Variants in VAV3 observed in about 807,000 individuals in gnomAD.
The protein encoded by VAV3 is guanine nucleotide exchange factor VAV3.
VAV3 carries 94 observed loss-of-function variants against 131.2 expected under a neutral mutation model. The observed-to-expected ratio is 0.72, with a 90% CI of 0.61 to 0.85. VAV3 has a LOEUF of 0.85. Ranked by LOEUF, VAV3 falls within the 40% of genes least tolerant of loss-of-function variation. The pLI, the probability that VAV3 is intolerant of heterozygous loss-of-function variation, is 0.00. For missense variants in VAV3, 939 were observed against 1,002.7 expected, an observed-to-expected ratio of 0.94 and a Z score of 0.86; for synonymous variants, 349 against 342.0, an observed-to-expected ratio of 1.02 and a Z score of -0.22.
intron 2 of VAV3, among the ~76,000 whole-genome samples, chr1:107,818,382 C>T (rs1667648661): frequency 6.6e-6 from 1 of 151,056 alleles, no homozygotes; most frequent in African/African-American, 2.4e-5. Flanking sequence ...TTTTTTAAAC[C>T]ATAAAATGCT....
chr1:107,736,310 C>T (rs1182558969), intron 15 of VAV3, among the ~76,000 whole-genome samples: 1 of 152,108 alleles, frequency 6.6e-6, no homozygotes, highest in Non-Finnish European at 1.5e-5. Flanking sequence ...GACAGGGATG[C>T]CCTCTCTCAC....
At chr1:107,669,356 C>A (rs1657620152) in intron 19 of VAV3, 1 of 1,289,766 alleles carries the variant, frequency 7.8e-7, no homozygotes, top group Non-Finnish European at 1.0e-6. Flanking sequence ...TTTTCAGAAA[C>A]CTCAAGGCTG....
At chr1:107,624,442 T>C (rs906744896) in intron 20 of VAV3, among the ~76,000 whole-genome samples, 1 of 122,324 alleles carries the variant, frequency 8.2e-6, no homozygotes, top group African/African-American at 2.8e-5. Flanking sequence ...CCTTTAATGA[T>C]AGAAAAAAAA....
chr1:107,690,965 G>A (rs1038444106), intron 17 of VAV3, among the ~76,000 whole-genome samples: 2 of 152,116 alleles, frequency 1.3e-5, no homozygotes, highest in African/African-American at 4.8e-5. Flanking sequence ...ATTTAATCAT[G>A]TTTCATGGTA....
chr1:107,700,579 T>C (rs536830638), intron 17 of VAV3, among the ~76,000 whole-genome samples: 1 of 152,350 alleles, frequency 6.6e-6, no homozygotes, highest in Admixed American at 6.5e-5. Flanking sequence ...TGCATTAGTT[T>C]GCTGAGGATA....
intron 25 of VAV3, among the ~76,000 whole-genome samples, chr1:107,585,151 G>A (rs982351847): frequency 1.3e-5 from 2 of 152,256 alleles, no homozygotes; most frequent in South Asian, 2.1e-4. Flanking sequence ...CAGTTGCTCA[G>A]AGCAAAAACC....
chr1:107,621,411 G>C (rs949605953), intron 20 of VAV3, among the ~76,000 whole-genome samples: 2 of 152,044 alleles, frequency 1.3e-5, no homozygotes, highest in Admixed American at 6.6e-5. Context: ...AAACAAAGTA[G>C]TGTGTAGGAG....
chr1:107,858,631 C>A (rs1035801734), intron 2 of VAV3, among the ~76,000 whole-genome samples: 1 of 152,166 alleles, frequency 6.6e-6, no homozygotes, highest in Non-Finnish European at 1.5e-5. Flanking sequence ...TTGTGCACTC[C>A]TTGTAAGAAT....
intron 15 of VAV3, among the ~76,000 whole-genome samples, chr1:107,741,887 A>G (rs1663044052): frequency 6.6e-6 from 1 of 152,200 alleles, no homozygotes; most frequent in South Asian, 2.1e-4. Flanking sequence ...GGCTAGATAA[A>G]ATGAGAATTG....
chr1:107,817,052 A>C (rs912614346), intron 2 of VAV3, among the ~76,000 whole-genome samples: 1 of 152,218 alleles, frequency 6.6e-6, no homozygotes, highest in Admixed American at 6.5e-5. Context: ...ATCCTAAAAG[A>C]TGCAAGAGAC....
intron 1 of VAV3, among the ~76,000 whole-genome samples, chr1:107,950,277 T>C (rs150643545): frequency 2.0e-5 from 3 of 152,342 alleles, no homozygotes; most frequent in African/African-American, 7.2e-5. Context: ...AAAATGTGCA[T>C]ATAAATGTAA....
chr1:107,600,436 C>T (rs537039823), intron 24 of VAV3, among the ~76,000 whole-genome samples: 56 of 152,194 alleles, frequency 3.7e-4, no homozygotes, highest in African/African-American at 1.1e-3. Flanking sequence ...CCCTTTAACA[C>T]GCTGTGATAC....
Position 107,887,626 on chromosome 1 carries a change from A to C in VAV3, c.205-12609T>G, listed in dbSNP as rs76415197. ...TTTCATATTCAGAAAGTTTTTAAAA[A>C]TCTTTTACAATGCATGCGTCTTAAT... On this transcript the variant is annotated intron_variant, in intron 1 of 26. Transcript: ENST00000370056. Among the ~76,000 whole-genome samples, 167 of 152,274 alleles carry C rather than the reference A, an allele frequency of 1.1e-3. 1 individual carries two copies. Among genetic ancestry groups the C allele is most frequent in the African/African-American group, 3.9e-3 (162 of 41,560 alleles).
intron 2 of VAV3, among the ~76,000 whole-genome samples, chr1:107,870,310 TTTC>T (rs2101007677): frequency 6.6e-6 from 1 of 152,226 alleles, no homozygotes; most frequent in South Asian, 2.1e-4. Context: ...TATTTTTTGG[TTTC>T]TTAATTATGG....
At chr1:107,701,147 G>A (rs1660104781) in intron 17 of VAV3, among the ~76,000 whole-genome samples, 1 of 152,070 alleles carries the variant, frequency 6.6e-6, no homozygotes, top group African/African-American at 2.4e-5. Context: ...TTTTAATGGG[G>A]TTGTTTGTTT....
intron 25 of VAV3, chr1:107,576,412 G>T (rs1291720795): frequency 2.6e-6 from 4 of 1,524,628 alleles, no homozygotes; most frequent in Non-Finnish European, 3.5e-6. Flanking sequence ...AGGAGTGGAA[G>T]AAGGGGGAAC....
chr1:107,823,510 T>A (rs980660564), intron 2 of VAV3, among the ~76,000 whole-genome samples: 5 of 151,588 alleles, frequency 3.3e-5, no homozygotes, highest in Admixed American at 2.6e-4. Context: ...TAAAAAAAAA[T>A]AATAAAGATT....
chr1:107,891,764 G>A lies in VAV3; in HGVS notation c.205-16747C>T, dbSNP rs367684095. ...TGAGGCAGGAGAATCGCTTGAACCCGGGAGGCAGAGGTTGCAGTGTGCGGA... is the reference window on the plus strand; with the variant it reads ...TGAGGCAGGAGAATCGCTTGAACCCAGGAGGCAGAGGTTGCAGTGTGCGGA... On this transcript the variant is annotated intron_variant, in intron 1 of 26. Transcript: ENST00000370056. 6.2e-4 allele frequency among the ~76,000 whole-genome samples: 94 copies of A among 150,978 alleles called. 1 individual carries two copies. Among genetic ancestry groups the A allele is most frequent in the African/African-American group, 2.1e-3 (86 of 41,062 alleles).
intron 1 of VAV3, among the ~76,000 whole-genome samples, chr1:107,897,777 G>A (rs1264239111): frequency 6.6e-6 from 1 of 152,084 alleles, no homozygotes; most frequent in Non-Finnish European, 1.5e-5. Flanking sequence ...CTTCATGTAT[G>A]GTGCTAGAAT....
Sources: gnomAD v4.1 joint callset for allele counts (sites outside exome capture counted in the v4.1 genomes callset) on GRCh38, gnomAD v4.1.1 for gene constraint, MANE v1.5 for transcripts, NCBI Gene and HGNC (gene_info 2026-07-23, HGNC 2026-07-21) for gene names.